The following MTUS2 variants were observed in gnomAD, a reference collection of about 807,000 sequenced individuals.
MTUS2 encodes the protein microtubule-associated tumor suppressor candidate 2.
A neutral mutation model predicts 114.1 loss-of-function variants in MTUS2; 40 were observed. The ratio of observed to expected loss-of-function variants is 0.35; its 90% CI spans 0.27 to 0.46. The LOEUF (loss-of-function observed/expected upper bound fraction) is 0.46. Among genes scored for constraint, MTUS2 ranks in the 20% least tolerant of loss-of-function variants. The pLI, the probability that MTUS2 is intolerant of heterozygous loss-of-function variation, is 1.00. For missense variants in MTUS2, 1,679 were observed against 1,705.4 expected, an observed-to-expected ratio of 0.98 and a Z score of 0.27; for synonymous variants, 688 against 672.0, an observed-to-expected ratio of 1.02 and a Z score of -0.37.
chr13:29,045,922 A>G (rs1170765283), intron 4 of MTUS2, among the ~76,000 whole-genome samples: 1 of 152,120 alleles, frequency 6.6e-6, no homozygotes, highest in Admixed American at 6.5e-5. Context: ...AACAAGCCAT[A>G]ACAGCAAACA....
intron 5 of MTUS2, among the ~76,000 whole-genome samples, chr13:29,124,677 G>A (rs1038841020): frequency 6.6e-6 from 1 of 152,186 alleles, no homozygotes; most frequent in Non-Finnish European, 1.5e-5. Context: ...GGTGGTAACA[G>A]ACCAAGTAAC....
At chr13:29,177,587 A>G (rs1407508742) in intron 5 of MTUS2, among the ~76,000 whole-genome samples, 1 of 152,190 alleles carries the variant, frequency 6.6e-6, no homozygotes, top group East Asian at 1.9e-4. Flanking sequence ...AGTAGATTCA[A>G]ACTGGAACAT....
chr13:28,952,562 A>T (rs1276448326), intron 2 of MTUS2, among the ~76,000 whole-genome samples: 6 of 152,040 alleles, frequency 3.9e-5, no homozygotes, highest in Non-Finnish European at 8.8e-5. Flanking sequence ...CTTATCTCTC[A>T]TCATGCTTGG....
At chr13:28,896,714 A>G (rs1000346573) in intron 2 of MTUS2, among the ~76,000 whole-genome samples, 10 of 152,326 alleles carry the variant, frequency 6.6e-5, no homozygotes, top group African/African-American at 2.2e-4. Flanking sequence ...ATATAGACCA[A>G]TGGAACAGAA....
chr13:29,200,354 T>G (rs982752670), intron 5 of MTUS2, among the ~76,000 whole-genome samples: 5 of 152,012 alleles, frequency 3.3e-5, no homozygotes, highest in Admixed American at 6.6e-5. Context: ...CTCTAAACAC[T>G]GCTTTAGCTG....
At chr13:28,883,448 G>A (rs188676985) in intron 2 of MTUS2, among the ~76,000 whole-genome samples, 1 of 152,240 alleles carries the variant, frequency 6.6e-6, no homozygotes, top group Non-Finnish European at 1.5e-5. Context: ...TCCATACCAT[G>A]GAATACTATG....
intron 2 of MTUS2, among the ~76,000 whole-genome samples, chr13:29,019,953 A>T (rs1886224199): frequency 1.3e-5 from 2 of 152,200 alleles, no homozygotes; most frequent in South Asian, 4.1e-4. Context: ...GGAGGAAGGG[A>T]GCATATAGCT....
intron 6 of MTUS2, among the ~76,000 whole-genome samples, chr13:29,310,056 A>G (rs1218751492): frequency 6.6e-6 from 1 of 151,964 alleles, no homozygotes; most frequent in African/African-American, 2.4e-5. Context: ...ATCATCCCCA[A>G]TTGCCTGCAA....
At chr13:29,174,446 A>G (rs562334327) in intron 5 of MTUS2, among the ~76,000 whole-genome samples, 2 of 152,286 alleles carry the variant, frequency 1.3e-5, no homozygotes, top group East Asian at 1.9e-4. Context: ...TGCTCTATTC[A>G]TTAGTGTTTG....
intron 2 of MTUS2, among the ~76,000 whole-genome samples, chr13:28,909,484 C>G (rs1880265121): frequency 6.6e-6 from 1 of 151,936 alleles, no homozygotes; most frequent in South Asian, 2.1e-4. Flanking sequence ...TGATTTGGCT[C>G]TCTGTTTAAA....
At chr13:29,212,449 CT>C (rs1259261056) in intron 5 of MTUS2, among the ~76,000 whole-genome samples, 3 of 152,188 alleles carry the variant, frequency 2.0e-5, no homozygotes, top group Non-Finnish European at 4.4e-5. Flanking sequence ...AAGTATAACA[CT>C]AATTATGCAG....
intron 5 of MTUS2, among the ~76,000 whole-genome samples, chr13:29,166,817 T>C (rs556133237): frequency 3.2e-4 from 48 of 152,326 alleles, no homozygotes; most frequent in Middle Eastern, 6.8e-3. Context: ...GAAGTAAAGA[T>C]GTATTGTCTT....
At chr13:28,928,561 T>C (rs1881451060) in intron 2 of MTUS2, among the ~76,000 whole-genome samples, 1 of 152,146 alleles carries the variant, frequency 6.6e-6, no homozygotes, top group Non-Finnish European at 1.5e-5. Context: ...GGTATCTCAC[T>C]TCAGTTAAAA....
At chr13:29,165,808 T>G (rs546781152) in intron 5 of MTUS2, among the ~76,000 whole-genome samples, 1 of 152,310 alleles carries the variant, frequency 6.6e-6, no homozygotes, top group African/African-American at 2.4e-5. Flanking sequence ...ATTTTTTTCC[T>G]ACTGTGGATG....
intron 8 of MTUS2, among the ~76,000 whole-genome samples, chr13:29,405,147 A>G (rs918045956): frequency 1.3e-5 from 2 of 152,232 alleles, no homozygotes; most frequent in Non-Finnish European, 1.5e-5. Context: ...ATTCAATGAA[A>G]GAGTAGAATC....
intron 15 of MTUS2, 23 bp downstream of exon 15, chr13:29,501,217 A>G (rs1164972761): frequency 2.6e-6 from 4 of 1,568,306 alleles, no homozygotes; most frequent in Non-Finnish European, 3.5e-6. Flanking sequence ...GGTGTCACCT[A>G]CAAAGTGACT....
intron 2 of MTUS2, among the ~76,000 whole-genome samples, chr13:28,856,256 GC>G (rs1566179608): frequency 2.0e-5 from 3 of 152,330 alleles, no homozygotes; most frequent in African/African-American, 7.2e-5. Context: ...CTGCTGCCTT[GC>G]AAAGCTGGAC....
intron 1 of MTUS2, among the ~76,000 whole-genome samples, chr13:28,823,229 A>C (rs776982666): frequency 6.6e-6 from 1 of 152,284 alleles, no homozygotes. Context: ...AATTTTCAAC[A>C]GTAAGCAAAC....
intron 5 of MTUS2, among the ~76,000 whole-genome samples, chr13:29,158,358 C>CCCCCTCTTTTCTTT: frequency 3.1e-5 from 1 of 32,048 alleles, no homozygotes; most frequent in African/African-American, 2.1e-4. Flanking sequence ...GTCCACCCCG[C>CCCCCTCTTTTCTTT]TTTTTTTTTT....
Sources: gnomAD v4.1 joint callset for allele counts (sites outside exome capture counted in the v4.1 genomes callset) on GRCh38, gnomAD v4.1.1 for gene constraint, MANE v1.5 for transcripts, NCBI Gene and HGNC (gene_info 2026-07-23, HGNC 2026-07-21) for gene names.